The following SDK1 variants were observed in gnomAD, a reference collection of about 807,000 sequenced individuals.
SDK1 encodes sidekick cell adhesion molecule 1.
In SDK1, 157 loss-of-function variants were observed where a neutral mutation model predicts 245.5. The ratio of observed to expected loss-of-function variants is 0.64; its 90% CI spans 0.56 to 0.73. The LOEUF is 0.73. SDK1 is among the 30% of genes least tolerant of loss of function. The probability of loss-of-function intolerance (pLI) is 0.00; values close to 1 mark genes in which losing one functional copy is unlikely to be tolerated. For missense variants in SDK1, 3,583 were observed against 3,002.3 expected, an observed-to-expected ratio of 1.19 and a Z score of -4.52; for synonymous variants, 1,647 against 1,278.5, an observed-to-expected ratio of 1.29 and a Z score of -6.15.
rs1455457392 is a variant in SDK1, at chr7:4,268,565, T to G, written c.*3181T>G. On this transcript the variant is annotated 3_prime_UTR_variant, in exon 45 of 45. Coordinates refer to ENST00000404826, the MANE Select transcript of SDK1 (RefSeq NM_152744.4). ...CACAGCCCCGGGAGGTGGCTCACTCTGTACAGGTCTTCGGAGGCCGTGTTT... is the reference window on the plus strand; with the variant it reads ...CACAGCCCCGGGAGGTGGCTCACTCGGTACAGGTCTTCGGAGGCCGTGTTT... The G allele has an allele frequency of 1.5e-6, 2 of 1,331,636 alleles. No homozygotes were observed. Among genetic ancestry groups the G allele is most frequent in the African/African-American group, 3.0e-5 (2 of 67,266 alleles). 82.5% of individuals were successfully genotyped at this position (1,331,636 alleles called of 1,614,324 possible).
At chr7:3,417,862 A>G (rs1002468121) in intron 1 of SDK1, among the ~76,000 whole-genome samples, 2 of 152,162 alleles carry the variant, frequency 1.3e-5, no homozygotes, top group Non-Finnish European at 2.9e-5. Flanking sequence ...AGTGGAATTC[A>G]TTGGATGTTT....
chr7:3,622,283 C>T (rs939010363), intron 2 of SDK1, among the ~76,000 whole-genome samples: 1 of 152,122 alleles, frequency 6.6e-6, no homozygotes, highest in Admixed American at 6.5e-5. Context: ...TTCGACACCA[C>T]CAGCCTGGCA....
At position 3,342,743 on chromosome 7, in the gene SDK1, G is replaced by C. The variant is rs144072721; in HGVS notation, c.298+40859G>C. Among the ~76,000 whole-genome samples, 471 of 152,234 alleles carry C rather than the reference G, an allele frequency of 3.1e-3. 1 individual carries two copies. Among genetic ancestry groups the C allele is most frequent in the Non-Finnish European group, 3.9e-3 (264 of 68,020 alleles). ...CATGAAAGAGCATATTAAGAGGATG[G>C]AAAGACAAGGTACATACTAGTAGAA... On this transcript the variant is annotated intron_variant, in intron 1 of 44. Transcript: ENST00000404826.
intron 4 of SDK1, among the ~76,000 whole-genome samples, chr7:3,723,985 G>A (rs1041166635): frequency 2.0e-5 from 3 of 150,530 alleles, no homozygotes; most frequent in Non-Finnish European, 3.0e-5. Flanking sequence ...GAGAAAGAGA[G>A]AGAGAGTCTC....
intron 4 of SDK1, among the ~76,000 whole-genome samples, chr7:3,681,147 T>G (rs1053663621): frequency 5.3e-5 from 8 of 152,212 alleles, no homozygotes; most frequent in African/African-American, 1.7e-4. Flanking sequence ...CGGCTGCCAC[T>G]TTGTATTTCT....
intron 4 of SDK1, among the ~76,000 whole-genome samples, chr7:3,696,101 C>G (rs1332251704): frequency 6.6e-6 from 1 of 152,166 alleles, no homozygotes; most frequent in African/African-American, 2.4e-5. Context: ...CCTCTTCTCA[C>G]TCTAAACTGT....
chr7:3,729,677 C>T (rs1779118736), intron 4 of SDK1, among the ~76,000 whole-genome samples: 1 of 152,110 alleles, frequency 6.6e-6, no homozygotes, highest in Admixed American at 6.6e-5. Flanking sequence ...TAGATCATCC[C>T]AGAGAACATC....
intron 37 of SDK1, 43 bp from the exon 38 acceptor site, chr7:4,209,982 G>T (rs1049651166): frequency 6.6e-7 from 1 of 1,506,788 alleles, no homozygotes. Flanking sequence ...TATGATCTAT[G>T]TAGGAGCCCC....
At position 3,891,347 on chromosome 7, in the gene SDK1, C is replaced by T. The variant is rs80165299; in HGVS notation, c.848-59576C>T. On this transcript the variant is annotated intron_variant, in intron 5 of 44. Coordinates refer to ENST00000404826, the MANE Select transcript of SDK1 (RefSeq NM_152744.4). ...GCCAGGTGCACTCTTCTGTCATCCT[C>T]CATGGCTACCTCTGAGGAAGGTGCT... Among the ~76,000 whole-genome samples, 1,064 of 152,280 alleles carry T rather than the reference C, an allele frequency of 7.0e-3. 17 individuals carry two copies. The highest frequency in any genetic ancestry group is 0.024 in the African/African-American group (989 of 41,554).
intron 19 of SDK1, among the ~76,000 whole-genome samples, chr7:4,065,694 G>GTTGTTTTTTTT (rs1779841876): frequency 4.5e-5 from 3 of 66,742 alleles, no homozygotes; most frequent in African/African-American, 1.0e-4. Context: ...AGTGGTTGTT[G>GTTGTTTTTTTT]TTTTTTTTTT....
intron 1 of SDK1, among the ~76,000 whole-genome samples, chr7:3,574,937 C>T (rs1780237389): frequency 6.6e-6 from 1 of 151,944 alleles, no homozygotes; most frequent in Non-Finnish European, 1.5e-5. Context: ...GTGTGGGAGC[C>T]TCTTGGTAGC....
chr7:3,745,583 C>A (rs959071508), intron 4 of SDK1, among the ~76,000 whole-genome samples: 1 of 152,000 alleles, frequency 6.6e-6, no homozygotes, highest in African/African-American at 2.4e-5. Flanking sequence ...ACAATTTGAT[C>A]CTACGCATAG....
chr7:4,143,481 A>G (rs893699623), intron 28 of SDK1, among the ~76,000 whole-genome samples: 3 of 152,102 alleles, frequency 2.0e-5, no homozygotes, highest in African/African-American at 7.2e-5. Context: ...GTGTCCTGCC[A>G]TATCCTTGCA....
intron 5 of SDK1, among the ~76,000 whole-genome samples, chr7:3,924,973 C>T (rs1434468876): frequency 6.6e-6 from 1 of 152,166 alleles, no homozygotes; most frequent in East Asian, 1.9e-4. Context: ...TCAGCTTAAG[C>T]CTCTCCAGGG....
At chr7:3,478,997 C>A (rs1437153711) in intron 1 of SDK1, among the ~76,000 whole-genome samples, 1 of 152,024 alleles carries the variant, frequency 6.6e-6, no homozygotes, top group Admixed American at 6.5e-5. Flanking sequence ...ATACTGATTT[C>A]TAACTTGATT....
chr7:3,591,214 G>T (rs1478639689), intron 1 of SDK1, among the ~76,000 whole-genome samples: 15 of 152,138 alleles, frequency 9.9e-5, no homozygotes, highest in Non-Finnish European at 2.9e-5. Flanking sequence ...GTTTTTATGT[G>T]TCAGATGGCA....
chr7:3,714,822 T>G (rs1785154132), intron 4 of SDK1, among the ~76,000 whole-genome samples: 1 of 152,160 alleles, frequency 6.6e-6, no homozygotes, highest in African/African-American at 2.4e-5. Context: ...TCATTTTGTG[T>G]GTAAGTGTCA....
At position 4,049,449 on chromosome 7, in the gene SDK1, A is replaced by T. The variant is rs1240024416; in HGVS notation, c.2704A>T (p.Asn902Tyr). ...PPPQQFINGI[N>Y]QGYKLLAWPA... ...GCCTCAGCAGTTTATCAATGGCATC[A>T]ACCAGGGATACAAGGTACGTGGCCT... The change falls in exon 18 of 45, where the codon AAC becomes TAC. Residue 902 changes from asparagine (N) to tyrosine (Y), a missense_variant. Physicochemically the swap from Asn to Tyr is moderately radical, Grantham distance 143. Coordinates refer to ENST00000404826, the MANE Select transcript of SDK1 (RefSeq NM_152744.4). The T allele has an allele frequency of 6.2e-7, 1 of 1,613,354 alleles. No individual in the cohort carries two copies. Among genetic ancestry groups the T allele is most frequent in the African/African-American group, 1.3e-5 (1 of 74,916 alleles).
intron 1 of SDK1, among the ~76,000 whole-genome samples, chr7:3,464,833 T>A (rs762467875): frequency 3.3e-5 from 5 of 152,034 alleles, no homozygotes; most frequent in African/African-American, 4.8e-5. Context: ...TTGGACAAAT[T>A]TTTAAAGAGT....
Sources: gnomAD v4.1 joint callset for allele counts (sites outside exome capture counted in the v4.1 genomes callset) on GRCh38, gnomAD v4.1.1 for gene constraint, MANE v1.5 for transcripts, NCBI Gene and HGNC (gene_info 2026-07-23, HGNC 2026-07-21) for gene names.